Variants in VPS13B observed in about 807,000 individuals in gnomAD.
VPS13B encodes the protein intermembrane lipid transfer protein VPS13B.
Under a neutral mutation model 426.4 loss-of-function variants are expected in VPS13B, and 285 were observed. That is an observed-to-expected ratio of 0.67 (90% CI 0.61 to 0.74). The LOEUF (loss-of-function observed/expected upper bound fraction) is 0.74, where lower values mean the gene tolerates loss of function less well. VPS13B is among the 30% of genes least tolerant of loss of function. VPS13B has a pLI of 0.00. For missense variants in VPS13B, 4,537 were observed against 4,782.6 expected (o/e 0.95, Z 1.51); for synonymous variants, 1,676 against 1,676.4 (o/e 1.00, Z 0.01).
intron 19 of VPS13B, among the ~76,000 whole-genome samples, chr8:99,379,774 A>G (rs756521060): frequency 3.3e-5 from 5 of 151,952 alleles, no homozygotes; most frequent in Non-Finnish European, 7.4e-5. Flanking sequence ...TGCTTTCTTT[A>G]TTGTATTTTA....
chr8:99,403,849 A>T (rs546272408), intron 21 of VPS13B, among the ~76,000 whole-genome samples: 2 of 152,320 alleles, frequency 1.3e-5, no homozygotes, highest in African/African-American at 2.4e-5. Flanking sequence ...TACTGTTTTG[A>T]TAGGAAGATG....
intron 35 of VPS13B, among the ~76,000 whole-genome samples, chr8:99,671,690 C>G (rs1014095339): frequency 1.3e-5 from 2 of 152,038 alleles, no homozygotes; most frequent in Non-Finnish European, 2.9e-5. Flanking sequence ...CGGAGTCTCA[C>G]TCTGTTACCT....
intron 30 of VPS13B, among the ~76,000 whole-genome samples, chr8:99,532,718 C>A (rs1278141390): frequency 2.0e-5 from 3 of 148,908 alleles, no homozygotes; most frequent in Non-Finnish European, 4.5e-5. Context: ...GAAAAATTAA[C>A]TTTAATTACA....
chr8:99,493,793 A>AG (rs1297470902), intron 25 of VPS13B, among the ~76,000 whole-genome samples: 1 of 149,700 alleles, frequency 6.7e-6, no homozygotes, highest in Non-Finnish European at 1.5e-5. Context: ...AAAAAAAAAA[A>AG]AAAAAAAAGA....
chr8:99,204,286 T>G (rs1814546770), intron 17 of VPS13B, among the ~76,000 whole-genome samples: 1 of 152,196 alleles, frequency 6.6e-6, no homozygotes, highest in East Asian at 1.9e-4. Context: ...TAAATGGTTT[T>G]GGGAAAACTG....
chr8:99,683,935 C>T (rs969102983), intron 35 of VPS13B, among the ~76,000 whole-genome samples: 1 of 152,160 alleles, frequency 6.6e-6, no homozygotes, highest in Admixed American at 6.5e-5. Flanking sequence ...AGGGGGAAAG[C>T]ATTCATTTCT....
intron 39 of VPS13B, among the ~76,000 whole-genome samples, chr8:99,746,347 G>A (rs1043311911): frequency 2.0e-5 from 3 of 152,050 alleles, no homozygotes. Context: ...TATTAGTCTG[G>A]CCCATCATTA....
intron 23 of VPS13B, among the ~76,000 whole-genome samples, chr8:99,452,722 T>G (rs1818261711): frequency 6.6e-6 from 1 of 152,198 alleles, no homozygotes; most frequent in Non-Finnish European, 1.5e-5. Context: ...CTCTGTAGAT[T>G]TGAGGCTCTG....
chr8:99,081,368 C>G (rs1845444945), intron 3 of VPS13B, among the ~76,000 whole-genome samples: 1 of 152,058 alleles, frequency 6.6e-6, no homozygotes, highest in Non-Finnish European at 1.5e-5. Context: ...ATCTAGTCAG[C>G]CTTTATCAGA....
chr8:99,212,009 C>G (rs770404474), intron 17 of VPS13B, among the ~76,000 whole-genome samples: 29 of 151,880 alleles, frequency 1.9e-4, no homozygotes, highest in Non-Finnish European at 2.1e-4. Context: ...TCTCCTGCCT[C>G]AGCCTCCTGA....
chr8:99,206,292 C>T (rs915533530), intron 17 of VPS13B, among the ~76,000 whole-genome samples: 1 of 152,102 alleles, frequency 6.6e-6, no homozygotes, highest in East Asian at 1.9e-4. Flanking sequence ...ACATTCGAAT[C>T]CCTCATTTAA....
At chr8:99,817,829 T>C (rs1337811131) in intron 45 of VPS13B, 26 bp downstream of exon 45, 2 of 1,613,840 alleles carry the variant, frequency 1.2e-6, no homozygotes, top group African/African-American at 2.7e-5. Context: ...CAATCTAGAA[T>C]AGAGCAGCTT....
chr8:99,832,339 G>GC, intron 51 of VPS13B, 30 bp from the exon 52 acceptor site: 2 of 1,328,628 alleles, frequency 1.5e-6, no homozygotes, highest in Non-Finnish European at 2.0e-6. Context: ...TGTGCTCTCT[G>GC]CATTTTTTTT....
intron 5 of VPS13B, among the ~76,000 whole-genome samples, chr8:99,108,532 C>A (rs1847174753): frequency 6.6e-6 from 1 of 151,862 alleles, no homozygotes; most frequent in South Asian, 2.1e-4. Flanking sequence ...ATTGAAGAGA[C>A]TGTTCTTTTC....
intron 28 of VPS13B, among the ~76,000 whole-genome samples, chr8:99,507,466 T>C (rs916481379): frequency 2.0e-5 from 3 of 152,244 alleles, no homozygotes; most frequent in Non-Finnish European, 2.9e-5. Context: ...ATACTTTATC[T>C]TTAATGTACT....
intron 36 of VPS13B, among the ~76,000 whole-genome samples, chr8:99,713,053 AC>A (rs957653585): frequency 1.3e-5 from 2 of 152,216 alleles, no homozygotes; most frequent in Admixed American, 6.5e-5. Context: ...TAATTTTAGT[AC>A]AATATCAGTA....
intron 19 of VPS13B, among the ~76,000 whole-genome samples, chr8:99,296,361 A>G (rs1820042660): frequency 6.6e-6 from 1 of 152,178 alleles, no homozygotes; most frequent in African/African-American, 2.4e-5. Flanking sequence ...CTATGTAATT[A>G]ATGATAGAAA....
intron 21 of VPS13B, among the ~76,000 whole-genome samples, chr8:99,393,934 C>T (rs1419994725): frequency 6.6e-6 from 1 of 152,174 alleles, no homozygotes; most frequent in South Asian, 2.1e-4. Context: ...TGAGTACATA[C>T]ATCTAAATGT....
chr8:99,761,278 G>A (rs993268863), intron 39 of VPS13B, among the ~76,000 whole-genome samples: 31 of 152,196 alleles, frequency 2.0e-4, no homozygotes, highest in African/African-American at 7.2e-4. Flanking sequence ...GAATATTCCA[G>A]CTGAAGTATG....
Sources: gnomAD v4.1 joint callset for allele counts (sites outside exome capture counted in the v4.1 genomes callset) on GRCh38, gnomAD v4.1.1 for gene constraint, MANE v1.5 for transcripts, NCBI Gene and HGNC (gene_info 2026-07-23, HGNC 2026-07-21) for gene names.